Variants in PTPN1 observed in about 807,000 individuals in gnomAD.
PTPN1 encodes protein tyrosine phosphatase non-receptor type 1.
A neutral mutation model predicts 59.9 loss-of-function variants in PTPN1; 12 were observed. The ratio of observed to expected loss-of-function variants is 0.20; its 90% CI spans 0.13 to 0.32. PTPN1 has a LOEUF of 0.32. PTPN1 is among the 10% of genes least tolerant of loss of function. PTPN1 has a pLI of 1.00. For synonymous variants in PTPN1, 178 were observed against 203.6 expected (o/e 0.87, Z 1.07); for missense variants, 356 against 549.2 (o/e 0.65, Z 3.52).
chr20:50,571,289 CTG>C (rs2082807324), intron 4 of PTPN1: 1 of 152,268 alleles, frequency 6.6e-6, no homozygotes, highest in Non-Finnish European at 1.5e-5. Flanking sequence ...ACTGTGATAA[CTG>C]TGCCAGCAGT....
At chr20:50,579,103 G>A (rs1372421477) in intron 6 of PTPN1, 65 bp from the exon 7 acceptor site, 29 of 1,519,940 alleles carry the variant, frequency 1.9e-5, no homozygotes, top group Non-Finnish European at 2.5e-5. Flanking sequence ...GACATCTAAC[G>A]GTGTTATTAA....
At position 50,579,864 on chromosome 20, in the gene PTPN1, A is replaced by G; in HGVS notation, c.1026A>G (p.Lys342=). The change falls in exon 8 of 10, where the codon AAA becomes AAG. Residue 342 remains lysine (K), a synonymous_variant. Transcript: ENST00000371621. ...QWVKEETQED[K]DCPIKEEKGS... ...TGAAGGAAGAGACCCAGGAGGATAA[A>G]GACTGCCCCATCAAGGAAGAAAAAG... 1 of 1,614,198 alleles carries G rather than the reference A, an allele frequency of 6.2e-7. No homozygotes were observed. The highest frequency in any genetic ancestry group is 8.5e-7 in the Non-Finnish European group (1 of 1,180,022).
intron 1 of PTPN1, among the ~76,000 whole-genome samples, chr20:50,533,695 C>T (rs921263391): frequency 6.6e-6 from 1 of 152,038 alleles, no homozygotes; most frequent in Non-Finnish European, 1.5e-5. Flanking sequence ...CCCTTGCCCC[C>T]CCCCAGAAAG....
At chr20:50,576,339 A>G (rs1430376336) in intron 5 of PTPN1, among the ~76,000 whole-genome samples, 2 of 152,240 alleles carry the variant, frequency 1.3e-5, no homozygotes, top group African/African-American at 4.8e-5. Context: ...TTTGCTTGGC[A>G]GAGTGAATAC....
At chr20:50,525,027 C>A (rs996841157) in intron 1 of PTPN1, among the ~76,000 whole-genome samples, 4 of 152,152 alleles carry the variant, frequency 2.6e-5, no homozygotes, top group Non-Finnish European at 5.9e-5. Context: ...TGTAACACTT[C>A]AGATTACAGA....
intron 1 of PTPN1, among the ~76,000 whole-genome samples, chr20:50,518,878 A>G (rs756469415): frequency 5.3e-5 from 8 of 152,202 alleles, no homozygotes; most frequent in Non-Finnish European, 8.8e-5. Flanking sequence ...AGTCCCCAGA[A>G]TACAACCTGG....
chr20:50,564,935 G>A (rs764122317), intron 2 of PTPN1, 34 bp from the exon 3 acceptor site: 28 of 1,611,006 alleles, frequency 1.7e-5, no homozygotes, highest in Middle Eastern at 3.3e-4. Flanking sequence ...CAGCTTTTCC[G>A]GGATTAACCT....
Position 50,510,516 on chromosome 20 carries a change from C to A in PTPN1, c.-12C>A. 6.5e-7 allele frequency: 1 copy of A among 1,549,772 alleles called. No homozygotes were observed. The highest frequency in any genetic ancestry group is 1.4e-5 in the African/African-American group (1 of 73,032). Reference sequence around the variant, plus strand: ...GGCCGAGAAGGAGGCGCAGCAGCCGCCCTGGCCCGTCATGGAGATGGAAAA... The same window carrying A: ...GGCCGAGAAGGAGGCGCAGCAGCCGACCTGGCCCGTCATGGAGATGGAAAA... On this transcript the variant is annotated 5_prime_UTR_variant, in exon 1 of 10. Transcript: ENST00000371621.
At chr20:50,540,523 A>T (rs1374573564) in intron 1 of PTPN1, among the ~76,000 whole-genome samples, 1 of 152,182 alleles carries the variant, frequency 6.6e-6, no homozygotes, top group Admixed American at 6.5e-5. Context: ...TGGCCCCGTG[A>T]CCCAGACACC....
chr20:50,526,105 G>A (rs144468124), intron 1 of PTPN1, among the ~76,000 whole-genome samples: 26 of 152,218 alleles, frequency 1.7e-4, no homozygotes, highest in African/African-American at 4.6e-4. Context: ...GTGTGTGCGC[G>A]TGCAGATTCT....
intron 1 of PTPN1, among the ~76,000 whole-genome samples, chr20:50,525,592 C>A (rs368478420): frequency 2.0e-5 from 3 of 149,264 alleles, no homozygotes; most frequent in Non-Finnish European, 4.4e-5. Context: ...GGATTATATA[C>A]AGAAGTAGTC....
intron 1 of PTPN1, among the ~76,000 whole-genome samples, chr20:50,541,589 G>A (rs549394224): frequency 6.6e-6 from 1 of 152,260 alleles, no homozygotes; most frequent in African/African-American, 2.4e-5. Flanking sequence ...AGACCCGGTC[G>A]CAGGTCATCG....
At chr20:50,538,501 A>AGTGGGCCGGGCGCGGTGGCTCACGCCT (rs2082634000) in intron 1 of PTPN1, among the ~76,000 whole-genome samples, 1 of 152,244 alleles carries the variant, frequency 6.6e-6, no homozygotes, top group African/African-American at 2.4e-5. Flanking sequence ...AAAAACAAGC[A>AGTGGGCCGGGCGCGGTGGCTCACGCCT]GTAAGAATTC....
intron 1 of PTPN1, among the ~76,000 whole-genome samples, chr20:50,542,121 G>GC (rs1267434995): frequency 6.6e-6 from 1 of 152,186 alleles, no homozygotes; most frequent in Non-Finnish European, 1.5e-5. Context: ...AAAATTGGCT[G>GC]CAAGTACAAT....
chr20:50,583,449 GT>G lies in PTPN1; in HGVS notation c.*736del, dbSNP rs2082880130. 6.6e-6 allele frequency: 1 copy of G among 152,278 alleles called. No individual in the cohort carries two copies. The highest frequency in any genetic ancestry group is 1.5e-5 in the Non-Finnish European group (1 of 68,072). The allele number at this position is 152,278 out of a possible 1,614,324, so 9.4% of individuals were successfully genotyped here. ...CTTTGTCCCGCTTATTCTCCTCCCT[GT>G]TATCTGCTAGATCTAGTTCTCAATC... On this transcript the variant is annotated 3_prime_UTR_variant, in exon 10 of 10. Transcript: ENST00000371621.
chr20:50,539,249 T>C (rs2082638121), intron 1 of PTPN1, among the ~76,000 whole-genome samples: 1 of 152,050 alleles, frequency 6.6e-6, no homozygotes, highest in African/African-American at 2.4e-5. Context: ...TTGGCCAGGC[T>C]GGTCTCAAAC....
chr20:50,561,219 C>T (rs1321857789), intron 1 of PTPN1, 144 bp from the exon 2 acceptor site: 9 of 625,946 alleles, frequency 1.4e-5, no homozygotes, highest in Non-Finnish European at 2.2e-5. Context: ...CATTCCTCCT[C>T]GGTTTTCCCC....
rs746923808 is a variant in PTPN1, at chr20:50,579,350, A to C, written c.864+21A>C. 1.1e-5 allele frequency: 17 copies of C among 1,602,134 alleles called. No homozygotes were observed. The South Asian group carries it at 1.8e-4, about 17-fold the overall frequency. On this transcript the variant is annotated intron_variant, in intron 7 of 9. Transcript: ENST00000371621. ...TGCAGGTCAGCATTGCCTTTGTTTG[A>C]ATCCAGGTGTGACCATTTTAACTTT...
At chr20:50,580,224 T>C (rs565893570) in intron 8 of PTPN1, among the ~76,000 whole-genome samples, 80 of 151,940 alleles carry the variant, frequency 5.3e-4, no homozygotes, top group African/African-American at 1.8e-3. Context: ...CTGCCCCCCC[T>C]GACGACAGCG....
Sources: gnomAD v4.1 joint callset for allele counts (sites outside exome capture counted in the v4.1 genomes callset) on GRCh38, gnomAD v4.1.1 for gene constraint, MANE v1.5 for transcripts, NCBI Gene and HGNC (gene_info 2026-07-23, HGNC 2026-07-21) for gene names.